The following MYOM2 variants were observed in gnomAD, a reference collection of about 807,000 sequenced individuals.
The protein encoded by MYOM2 is myomesin-2.
MYOM2 carries 254 observed loss-of-function variants against 187.6 expected under a neutral mutation model. That is an observed-to-expected ratio of 1.35 (90% CI 1.22 to 1.50). MYOM2 has a LOEUF of 1.50. MYOM2 is among the 40% of genes most tolerant of loss of function. MYOM2 has a pLI of 0.00. For synonymous variants in MYOM2, 981 were observed against 753.8 expected (o/e 1.30, Z -4.94); for missense variants, 2,796 against 1,924.0 (o/e 1.45, Z -8.48).
intron 32 of MYOM2, among the ~76,000 whole-genome samples, chr8:2,137,244 G>A (rs1349834013): frequency 6.6e-6 from 1 of 151,808 alleles, no homozygotes; most frequent in Non-Finnish European, 1.5e-5. Context: ...GTGGGAGGAT[G>A]AGCTCACACA....
chr8:2,092,245 G>T, intron 15 of MYOM2, 101 bp from the exon 16 acceptor site: 1 of 1,385,468 alleles, frequency 7.2e-7, no homozygotes, highest in South Asian at 1.3e-5. Context: ...AAAGCCCCCA[G>T]TCTGGCTGTC....
At chr8:2,055,322 G>C (rs1234306424) in intron 3 of MYOM2, among the ~76,000 whole-genome samples, 2 of 152,306 alleles carry the variant, frequency 1.3e-5, no homozygotes, top group South Asian at 4.1e-4. Flanking sequence ...GAGACCCACA[G>C]GGCTGTGATT....
At chr8:2,112,403 T>TG (rs1797097108) in intron 25 of MYOM2, among the ~76,000 whole-genome samples, 1 of 55,936 alleles carries the variant, frequency 1.8e-5, no homozygotes, top group East Asian at 6.2e-4. Flanking sequence ...GGTCGGGGGG[T>TG]GGGGGTCAGG....
At chr8:2,073,680 C>T (rs899612362) in intron 10 of MYOM2, among the ~76,000 whole-genome samples, 180 bp downstream of exon 10, 1 of 152,200 alleles carries the variant, frequency 6.6e-6, no homozygotes, top group Admixed American at 6.5e-5. Context: ...GTGCTTCCTG[C>T]CGATGAGCAG....
chr8:2,110,334 C>G (rs543985206), intron 25 of MYOM2, among the ~76,000 whole-genome samples: 5 of 152,100 alleles, frequency 3.3e-5, no homozygotes, highest in African/African-American at 1.2e-4. Flanking sequence ...ACAACAACAA[C>G]AAAAAAGGCA....
At chr8:2,093,592 T>G (rs998853266) in intron 16 of MYOM2, among the ~76,000 whole-genome samples, 2 of 152,212 alleles carry the variant, frequency 1.3e-5, no homozygotes, top group Non-Finnish European at 2.9e-5. Flanking sequence ...CCATCTGACT[T>G]CCAAGTCTTG....
intron 14 of MYOM2, among the ~76,000 whole-genome samples, chr8:2,087,289 A>G (rs1266762593): frequency 6.6e-6 from 1 of 152,206 alleles, no homozygotes; most frequent in Non-Finnish European, 1.5e-5. Flanking sequence ...CACCTAATAC[A>G]ATAATCGCAT....
rs1175900814 is a variant in MYOM2, at chr8:2,124,296, A to C, written c.3694+79A>C. The C allele has an allele frequency of 7.2e-6, 10 of 1,397,574 alleles. No individual in the cohort carries two copies. The African/African-American group carries it at 1.3e-4, about 18-fold the overall frequency. 86.6% of individuals were successfully genotyped at this position (1,397,574 alleles called of 1,614,324 possible). A position where few individuals can be genotyped will look rare whatever the true frequency, so the allele number is the denominator to read the frequency against. ...TCCTGACACGGGAAGTCACTGCTGC[A>C]AAAGAGGGCACCATGGAGCTGTGGT... On this transcript the variant is annotated intron_variant, in intron 31 of 36. Transcript: ENST00000262113.
Position 2,105,159 on chromosome 8 carries a change from C to T in MYOM2, c.2735-1083C>T, listed in dbSNP as rs1436257004. 2.0e-5 allele frequency among the ~76,000 whole-genome samples: 3 copies of T among 152,136 alleles called. No individual in the cohort carries two copies. The East Asian group carries it at 5.8e-4, about 29-fold the overall frequency. ...CAATGTGAGTTTTGAGGGGATCATC[C>T]ACATCCAAACCACAGCCCCAGAGTG... On this transcript the variant is annotated intron_variant, in intron 21 of 36. Transcript: ENST00000262113.
chr8:2,138,136 G>A (rs557764759), intron 32 of MYOM2, among the ~76,000 whole-genome samples: 1 of 152,338 alleles, frequency 6.6e-6, no homozygotes, highest in East Asian at 1.9e-4. Flanking sequence ...CAGGACGGCT[G>A]GTGTGGCCAC....
At chr8:2,047,356 T>TTGCG (rs1332475373) in intron 1 of MYOM2, among the ~76,000 whole-genome samples, 1 of 152,084 alleles carries the variant, frequency 6.6e-6, no homozygotes, top group Non-Finnish European at 1.5e-5. Context: ...AGTGAAGAGA[T>TTGCG]TGCGGAGGGG....
At chr8:2,050,334 C>T (rs930558172) in intron 1 of MYOM2, among the ~76,000 whole-genome samples, 43 of 152,308 alleles carry the variant, frequency 2.8e-4, no homozygotes, top group Admixed American at 2.7e-3. Context: ...CCCAGGACAC[C>T]TTCTACCTGC....
At chr8:2,087,259 T>C (rs906551065) in intron 14 of MYOM2, among the ~76,000 whole-genome samples, 2 of 152,176 alleles carry the variant, frequency 1.3e-5, no homozygotes, top group African/African-American at 2.4e-5. Flanking sequence ...ACAGAGAATA[T>C]AACATATAGA....
intron 30 of MYOM2, among the ~76,000 whole-genome samples, chr8:2,123,844 C>T (rs1343838665): frequency 6.6e-6 from 1 of 152,190 alleles, no homozygotes; most frequent in Non-Finnish European, 1.5e-5. Context: ...TGATATTACT[C>T]TGGGTTTATA....
intron 32 of MYOM2, among the ~76,000 whole-genome samples, chr8:2,130,399 C>T (rs538440502): frequency 8.4e-4 from 101 of 120,390 alleles, no homozygotes; most frequent in African/African-American, 3.8e-3. Context: ...GCCCACACCC[C>T]GCCTTTAGTT....
At chr8:2,128,768 C>G (rs959734778) in intron 31 of MYOM2, among the ~76,000 whole-genome samples, 1 of 152,146 alleles carries the variant, frequency 6.6e-6, no homozygotes, top group African/African-American at 2.4e-5. Context: ...AGATTTTCTA[C>G]GATAGTTCAG....
rs764841251 is a variant in MYOM2 at position 2,072,371 on chromosome 8, A to G, written c.820A>G (p.Thr274Ala). The change falls in exon 9 of 37, where the codon ACG (threonine) becomes GCG (alanine). Residue 274 changes from threonine to alanine, a missense_variant. Physicochemically the swap from Thr to Ala is moderately conservative, Grantham distance 58. Transcript: ENST00000262113. Reference protein sequence around the residue: ...GLPLSSMIPYTHFDVQFLEKF... With the variant: ...GLPLSSMIPYAHFDVQFLEKF... ...GCCCCTGTCATCGATGATTCCGTAC[A>G]CGCACTTCGACGTCCAGTTTTTGGA... The G allele has an allele frequency of 4.3e-6, 7 of 1,613,364 alleles. No individual in the cohort carries two copies. The East Asian group carries it at 8.9e-5, about 21-fold the overall frequency.
chr8:2,138,249 C>T (rs1052257332), intron 32 of MYOM2, among the ~76,000 whole-genome samples: 1 of 152,182 alleles, frequency 6.6e-6, no homozygotes, highest in Non-Finnish European at 1.5e-5. Flanking sequence ...ATGGCACTCT[C>T]GGCCCGGCCG....
At chr8:2,126,491 CACTT>C (rs1386060096) in intron 31 of MYOM2, among the ~76,000 whole-genome samples, 4 of 152,164 alleles carry the variant, frequency 2.6e-5, no homozygotes, top group South Asian at 2.1e-4. Flanking sequence ...TACATGCACA[CACTT>C]ACATGTGAAC....
Sources: allele counts gnomAD v4.1 joint callset (sites outside exome capture counted in the v4.1 genomes callset), GRCh38; gene constraint gnomAD v4.1.1; transcripts MANE v1.5; gene names NCBI Gene and HGNC (gene_info 2026-07-23, HGNC 2026-07-21).